The following COL5A2 variants were observed in gnomAD, a reference collection of about 807,000 sequenced individuals.
The protein encoded by COL5A2 is collagen type V alpha 2 chain.
A neutral mutation model predicts 208.2 loss-of-function variants in COL5A2; 23 were observed. The observed-to-expected ratio is 0.11, with a 90% CI of 0.08 to 0.16. The LOEUF (loss-of-function observed/expected upper bound fraction) is 0.16, where lower values mean the gene tolerates loss of function less well. COL5A2 is among the 10% of genes least tolerant of loss of function. The pLI is 1.00. For synonymous variants in COL5A2, 625 were observed against 628.5 expected (o/e 0.99, Z 0.08); for missense variants, 1,590 against 1,956.4 (o/e 0.81, Z 3.53).
chr2:189,058,726 T>C lies in COL5A2; in HGVS notation c.2130+123A>G, dbSNP rs1171718985. The C allele has an allele frequency of 3.0e-6, 3 of 1,001,188 alleles. No homozygotes were observed. In the African/African-American group the frequency reaches 4.9e-5, roughly 16 times the overall value. The allele number at this position is 1,001,188 out of a possible 1,614,324, so 62.0% of individuals were successfully genotyped here. A position where few individuals can be genotyped will look rare whatever the true frequency, so the allele number is the denominator to read the frequency against. ...TAGCACAAAATATTTCTCATAAAAT[T>C]AATTTTTATCCAGTCAAAGAATTTA... On this transcript the variant is annotated intron_variant, in intron 32 of 53. Coordinates refer to ENST00000374866, the MANE Select transcript of COL5A2 (RefSeq NM_000393.5).
At chr2:189,313,705 A>T in the COL5A2 span, among the ~76,000 whole-genome samples, 3 of 152,170 alleles carry the variant, frequency 2.0e-5, no homozygotes, top group East Asian at 5.8e-4. Context: ...CCCATCTCAC[A>T]TGCAATGACC....
At position 189,161,116 on chromosome 2, in the gene COL5A2, G is replaced by A. The variant is rs148013979; in HGVS notation, c.97+18392C>T. Reference sequence around the variant, plus strand: ...CTTACAGGTGTGGGCCACCGCGCCCGGCTGTACTTTTTTTTTATCTAGATG... The same window carrying A: ...CTTACAGGTGTGGGCCACCGCGCCCAGCTGTACTTTTTTTTTATCTAGATG... On this transcript the variant is annotated intron_variant, in intron 1 of 53. Coordinates refer to ENST00000374866, the MANE Select transcript of COL5A2 (RefSeq NM_000393.5). Among the ~76,000 whole-genome samples, 217 of 150,684 alleles carry A rather than the reference G, an allele frequency of 1.4e-3. 1 individual carries two copies. The highest frequency in any genetic ancestry group is 5.1e-3 in the African/African-American group (209 of 40,964).
At chr2:189,121,475 G>A (rs1257206656) in intron 1 of COL5A2, among the ~76,000 whole-genome samples, 1 of 151,930 alleles carries the variant, frequency 6.6e-6, no homozygotes, top group Non-Finnish European at 1.5e-5. Context: ...TAAACCAACT[G>A]GTATGTCCAT....
the COL5A2 span, among the ~76,000 whole-genome samples, chr2:189,290,817 A>T: frequency 1.3e-5 from 2 of 151,826 alleles, no homozygotes; most frequent in Non-Finnish European, 2.9e-5. Context: ...GTTAGACATA[A>T]CAAATATGTG....
intron 6 of COL5A2, among the ~76,000 whole-genome samples, chr2:189,096,393 C>T (rs1177695171): frequency 6.6e-6 from 1 of 151,464 alleles, no homozygotes; most frequent in African/African-American, 2.4e-5. Flanking sequence ...TAAGAAAAAA[C>T]GTTGTAGGGA....
intron 1 of COL5A2, among the ~76,000 whole-genome samples, chr2:189,137,663 G>C (rs975500631): frequency 1.1e-4 from 17 of 152,090 alleles, no homozygotes; most frequent in South Asian, 2.1e-4. Flanking sequence ...ACTAGAACCT[G>C]AGCTAGCTTC....
chr2:189,051,275 A>G (rs776361954), intron 42 of COL5A2, 45 bp downstream of exon 42: 2 of 1,612,560 alleles, frequency 1.2e-6, no homozygotes, highest in Admixed American at 3.3e-5. Flanking sequence ...TCTATTTGTA[A>G]ATATCTCAGT....
Position 189,033,899 on chromosome 2 carries a change from T to C in COL5A2, c.*171A>G, listed in dbSNP as rs1486534314. Reference sequence around the variant, plus strand: ...TAAAACTTGAGGATTGTAAGTAAAATAAATATTCTGAAGGATAAGGAGGCC... The same window carrying C: ...TAAAACTTGAGGATTGTAAGTAAAACAAATATTCTGAAGGATAAGGAGGCC... On this transcript the variant is annotated 3_prime_UTR_variant, in exon 54 of 54. Coordinates refer to ENST00000374866, the MANE Select transcript of COL5A2 (RefSeq NM_000393.5). 1 of 772,712 alleles carries C rather than the reference T, an allele frequency of 1.3e-6. No homozygotes were observed. The highest frequency in any genetic ancestry group is 2.1e-6 in the Non-Finnish European group (1 of 468,658). 47.9% of individuals were successfully genotyped at this position (772,712 alleles called of 1,614,324 possible). A position where few individuals can be genotyped will look rare whatever the true frequency, so the allele number is the denominator to read the frequency against.
chr2:189,128,879 G>A (rs1687658470), intron 1 of COL5A2, among the ~76,000 whole-genome samples: 1 of 151,892 alleles, frequency 6.6e-6, no homozygotes, highest in Admixed American at 6.6e-5. Flanking sequence ...CCTTAGGAAA[G>A]TTTATCACCG....
intron 1 of COL5A2, among the ~76,000 whole-genome samples, chr2:189,153,516 G>C (rs1289801459): frequency 6.6e-6 from 1 of 152,174 alleles, no homozygotes; most frequent in Non-Finnish European, 1.5e-5. Context: ...GCCAGGAAGA[G>C]TTTTCCCAAT....
the COL5A2 span, among the ~76,000 whole-genome samples, chr2:189,255,671 T>A: frequency 6.6e-6 from 1 of 152,182 alleles, no homozygotes; most frequent in Non-Finnish European, 1.5e-5. Context: ...ATGCTAGACA[T>A]TATATATAAT....
chr2:189,115,916 G>T (rs1377998029), intron 1 of COL5A2, among the ~76,000 whole-genome samples: 1 of 151,998 alleles, frequency 6.6e-6, no homozygotes, highest in Non-Finnish European at 1.5e-5. Flanking sequence ...TTTTTTGAAT[G>T]AAAGGGAATG....
At position 189,039,033 on chromosome 2, in the gene COL5A2, T is replaced by C. The variant is rs73049471; in HGVS notation, c.3925+239A>G. ...GACAGCCATACTGACTCGTGTGAGA[T>C]GGTATCTCACTATGGCTTTGATTTT... On this transcript the variant is annotated intron_variant, in intron 51 of 53. Transcript: ENST00000374866. 2.1e-3 allele frequency among the ~76,000 whole-genome samples: 313 copies of C among 152,254 alleles called. 2 individuals are homozygous for C. Among genetic ancestry groups the C allele is most frequent in the African/African-American group, 7.0e-3 (291 of 41,554 alleles).
At chr2:189,184,356 T>C (rs942581014), upstream of COL5A2, among the ~76,000 whole-genome samples, 2 of 152,120 alleles carry the variant, frequency 1.3e-5, no homozygotes, top group African/African-American at 4.8e-5. Flanking sequence ...GACTGGTGTA[T>C]GTGTTTTCTA....
intron 37 of COL5A2, 35 bp from the exon 38 acceptor site, chr2:189,053,512 C>T: frequency 1.3e-6 from 2 of 1,545,462 alleles, no homozygotes; most frequent in South Asian, 1.1e-5. Flanking sequence ...AGCTTTCACA[C>T]ATTATCCTAA....
intron 1 of COL5A2, among the ~76,000 whole-genome samples, chr2:189,156,605 T>A (rs1380379403): frequency 6.6e-6 from 1 of 152,086 alleles, no homozygotes; most frequent in Non-Finnish European, 1.5e-5. Context: ...CAATAAGACA[T>A]AGGCTTTTAT....
chr2:189,298,998 A>G, the COL5A2 span, among the ~76,000 whole-genome samples: 2 of 152,174 alleles, frequency 1.3e-5, no homozygotes, highest in Non-Finnish European at 2.9e-5. Context: ...AGTCCCACTG[A>G]ATATCCTGAT....
intron 31 of COL5A2, 101 bp from the exon 32 acceptor site, chr2:189,058,994 A>T: frequency 1.1e-6 from 1 of 878,928 alleles, no homozygotes; most frequent in Admixed American, 2.0e-5. Context: ...TTAATGTGCC[A>T]TTAGAAGGCT....
the COL5A2 span, among the ~76,000 whole-genome samples, chr2:189,334,660 A>C: frequency 6.6e-6 from 1 of 152,062 alleles, no homozygotes; most frequent in African/African-American, 2.4e-5. Context: ...TTTCTCCCCA[A>C]ATTGATAGAT....
Sources: allele counts gnomAD v4.1 joint callset (sites outside exome capture counted in the v4.1 genomes callset), GRCh38; gene constraint gnomAD v4.1.1; transcripts MANE v1.5; gene names NCBI Gene and HGNC (gene_info 2026-07-23, HGNC 2026-07-21).